The following DNAJC7 variants were observed in gnomAD, a reference collection of about 807,000 sequenced individuals.
DNAJC7 encodes the protein dnaJ homolog subfamily C member 7.
Under a neutral mutation model 67.4 loss-of-function variants are expected in DNAJC7, and 18 were observed. That is an observed-to-expected ratio of 0.27 (90% CI 0.18 to 0.40). The LOEUF (loss-of-function observed/expected upper bound fraction) is 0.40, where lower values mean the gene tolerates loss of function less well. Ranked by LOEUF, DNAJC7 falls within the 10% of genes least tolerant of loss-of-function variation. The pLI is 1.00. For missense variants in DNAJC7, 419 were observed against 613.8 expected (o/e 0.68, Z 3.35); for synonymous variants, 220 against 207.8 (o/e 1.06, Z -0.50).
chr17:42,006,592 T>C (rs1389516048), intron 1 of DNAJC7, among the ~76,000 whole-genome samples: 1 of 147,416 alleles, frequency 6.8e-6, no homozygotes, highest in African/African-American at 2.5e-5. Context: ...AAGTCAGGAG[T>C]TCGAGACCAG....
intron 9 of DNAJC7, chr17:41,985,478 C>T (rs1196575575): frequency 6.7e-6 from 1 of 149,654 alleles, no homozygotes; most frequent in African/African-American, 2.5e-5. Flanking sequence ...AATGATGTGA[C>T]AAATGATTAA....
chr17:41,995,109 T>C, intron 4 of DNAJC7, 165 bp from the exon 5 acceptor site: 1 of 680,756 alleles, frequency 1.5e-6, no homozygotes, highest in Non-Finnish European at 2.6e-6. Context: ...GAATGGCCAT[T>C]TTTATGATCC....
Position 42,008,901 on chromosome 17 carries a change from G to A in DNAJC7, c.78-8331C>T, listed in dbSNP as rs189870068. Among the ~76,000 whole-genome samples the A allele has an allele frequency of 3.4e-3, 514 of 152,126 alleles. 1 individual carries two copies. The highest frequency in any genetic ancestry group is 5.4e-3 in the Non-Finnish European group (367 of 68,012). ...CTTTGTTTATTTTAGTAGAGATGAG[G>A]TCTTGCCATGTTGGCCAGGCTGGTC... is the stretch of plus-strand genomic sequence containing the variant. On this transcript the variant is annotated intron_variant, in intron 1 of 13. Transcript: ENST00000457167.
intron 3 of DNAJC7, 142 bp from the exon 4 acceptor site, chr17:41,996,566 C>G: frequency 1.5e-6 from 1 of 657,456 alleles, no homozygotes; most frequent in Non-Finnish European, 2.6e-6. Flanking sequence ...CTTTGGGAAG[C>G]TGAGGCGGGC....
chr17:41,994,191 C>G (rs1374815263), intron 5 of DNAJC7, among the ~76,000 whole-genome samples: 4 of 151,824 alleles, frequency 2.6e-5, no homozygotes, highest in Admixed American at 6.6e-5. Context: ...CAAAAATTAG[C>G]TGGGCGTGGT....
At chr17:42,009,500 C>T (rs1173855281) in intron 1 of DNAJC7, among the ~76,000 whole-genome samples, 5 of 152,242 alleles carry the variant, frequency 3.3e-5, no homozygotes, top group Non-Finnish European at 7.3e-5. Context: ...GAAATCCCAT[C>T]ACTGCAGGCA....
chr17:41,994,953 G>C lies in DNAJC7; in HGVS notation c.406-9C>G. 6.2e-7 allele frequency: 1 copy of C among 1,610,108 alleles called. No individual in the cohort carries two copies. The highest frequency in any genetic ancestry group is 8.5e-7 in the Non-Finnish European group (1 of 1,177,570). ...GCATTAGCATTCTTGAACTGCACCG[G>C]AAAATCAGACATAGGAAAGTTTTAA... On this transcript the variant is annotated splice_polypyrimidine_tract_variant and intron_variant, in intron 4 of 13. Coordinates refer to ENST00000457167, the MANE Select transcript of DNAJC7 (RefSeq NM_003315.4).
At chr17:41,989,665 T>C (rs752171755) in intron 6 of DNAJC7, 108 bp from the exon 7 acceptor site, 26 of 1,397,998 alleles carry the variant, frequency 1.9e-5, no homozygotes, top group Non-Finnish European at 2.3e-5. Flanking sequence ...GCATTCAAAA[T>C]ATCCAAAGGT....
intron 1 of DNAJC7, 95 bp downstream of exon 1, chr17:42,017,245 G>A (rs971480712): frequency 1.2e-6 from 2 of 1,601,174 alleles, no homozygotes; most frequent in Non-Finnish European, 1.7e-6. Flanking sequence ...GCGGGGCATC[G>A]CCTCAACAGC....
chr17:41,999,475 T>C (rs782621310), intron 2 of DNAJC7, among the ~76,000 whole-genome samples: 63 of 152,084 alleles, frequency 4.1e-4, no homozygotes, highest in Non-Finnish European at 8.4e-4. Flanking sequence ...TATCAACCCA[T>C]TGGGCAAAAG....
intron 1 of DNAJC7, among the ~76,000 whole-genome samples, chr17:42,004,649 C>A (rs116610457): frequency 6.6e-6 from 1 of 152,194 alleles, no homozygotes; most frequent in Admixed American, 6.5e-5. Context: ...AGGATCAGCA[C>A]ACTGGAAGCC....
At chr17:41,987,343 C>A (rs1199683715) in intron 9 of DNAJC7, 3 of 152,606 alleles carry the variant, frequency 2.0e-5, no homozygotes, top group African/African-American at 7.2e-5. Context: ...TCTCTTCCAA[C>A]TCTAAGATTG....
Position 41,988,704 on chromosome 17 carries a change from G to A in DNAJC7, c.918+28C>T, listed in dbSNP as rs145701697. 8.3e-6 allele frequency: 13 copies of A among 1,557,928 alleles called. No individual in the cohort carries two copies. The East Asian group carries it at 3.1e-4, about 37-fold the overall frequency. ...GATGTCCCTTAAAAATATTTCTATAGGCCCCAAGATCTAGATCAAGAGCTT... is the reference window on the plus strand; with the variant it reads ...GATGTCCCTTAAAAATATTTCTATAAGCCCCAAGATCTAGATCAAGAGCTT... On this transcript the variant is annotated intron_variant, in intron 8 of 13. Transcript: ENST00000457167.
intron 2 of DNAJC7, among the ~76,000 whole-genome samples, chr17:41,997,965 C>T (rs782290545): frequency 6.6e-6 from 1 of 152,202 alleles, no homozygotes; most frequent in Non-Finnish European, 1.5e-5. Flanking sequence ...TGGGCTCAAA[C>T]CATCTTCCTA....
intron 2 of DNAJC7, among the ~76,000 whole-genome samples, chr17:41,998,430 C>T (rs1454863660): frequency 6.6e-6 from 1 of 152,150 alleles, no homozygotes; most frequent in African/African-American, 2.4e-5. Flanking sequence ...CAAGATTGTG[C>T]CACTACACTC....
intron 10 of DNAJC7, 131 bp downstream of exon 10, chr17:41,983,432 A>G: frequency 1.2e-6 from 1 of 830,900 alleles, no homozygotes. Context: ...GCCTTTGTTC[A>G]CTTCTTTCTG....
intron 5 of DNAJC7, among the ~76,000 whole-genome samples, chr17:41,991,686 GTT>G (rs782248135): frequency 2.0e-5 from 3 of 152,088 alleles, no homozygotes; most frequent in Non-Finnish European, 4.4e-5. Context: ...ACTTTTGTTT[GTT>G]TTGTTTTTGA....
chr17:41,978,301 C>G (rs1296857991), intron 12 of DNAJC7, among the ~76,000 whole-genome samples: 1 of 152,194 alleles, frequency 6.6e-6, no homozygotes, highest in African/African-American at 2.4e-5. Context: ...AGTTTCTCTG[C>G]TTGCATCTGT....
rs376134697 is a variant in DNAJC7, at chr17:42,000,513, A to G, written c.135T>C (p.Asn45=). The part of the protein sequence containing the change: ...GNAYYAKKDY[N]EAYNYYTKAI... ...CTTTTGTATAATAATTATAAGCTTC[A>G]TTGTAATCTTTCTTGGCATAGTATG... The change falls in exon 2 of 14, where the codon AAT becomes AAC. Residue 45 remains asparagine, a synonymous_variant. Transcript: ENST00000457167. 32 of 1,611,638 alleles carry G rather than the reference A, an allele frequency of 2.0e-5. No individual in the cohort carries two copies. The highest frequency in any genetic ancestry group is 3.3e-4 in the Middle Eastern group (2 of 6,076).
Sources: gnomAD v4.1 joint callset for allele counts (sites outside exome capture counted in the v4.1 genomes callset) on GRCh38, gnomAD v4.1.1 for gene constraint, MANE v1.5 for transcripts, NCBI Gene and HGNC (gene_info 2026-07-23, HGNC 2026-07-21) for gene names.